BTBD9: variants seen among roughly 807,000 people sequenced by gnomAD.
BTBD9 encodes the protein BTB/POZ domain-containing protein 9.
Under a neutral mutation model 64.3 loss-of-function variants are expected in BTBD9, and 49 were observed. The ratio of observed to expected loss-of-function variants is 0.76; its 90% CI spans 0.61 to 0.97. The LOEUF is 0.97. BTBD9 is among the 50% of genes least tolerant of loss of function. The pLI is 0.00. For missense variants in BTBD9, 598 were observed against 762.1 expected (o/e 0.78, Z 2.53); for synonymous variants, 260 against 274.7 (o/e 0.95, Z 0.53).
chr6:38,387,185 T>C (rs933007382), intron 6 of BTBD9, among the ~76,000 whole-genome samples: 1 of 152,246 alleles, frequency 6.6e-6, no homozygotes, highest in Non-Finnish European at 1.5e-5. Flanking sequence ...TGTTTCTGAA[T>C]ATAAATCTGT....
intron 6 of BTBD9, among the ~76,000 whole-genome samples, chr6:38,445,793 A>T (rs1769250427): frequency 6.6e-6 from 1 of 152,212 alleles, no homozygotes; most frequent in Non-Finnish European, 1.5e-5. Context: ...AGACATTTGT[A>T]TTGATACTGT....
At chr6:38,328,564 C>CGTGCGTGTGTGT (rs1554139324) in intron 7 of BTBD9, among the ~76,000 whole-genome samples, 1 of 130,408 alleles carries the variant, frequency 7.7e-6, no homozygotes, top group African/African-American at 3.0e-5. Flanking sequence ...TTTAAGCCAC[C>CGTGCGTGTGTGT]GTGTGTGTGT....
At position 38,544,096 on chromosome 6, in the gene BTBD9, T is replaced by C. The variant is rs74399797; in HGVS notation, c.1154+33504A>G. Among the ~76,000 whole-genome samples, 554 of 152,178 alleles carry C rather than the reference T, an allele frequency of 3.6e-3. 26 individuals carry two copies. The East Asian group carries it at 0.098, about 27-fold the overall frequency. On this transcript the variant is annotated intron_variant, in intron 6 of 10. Transcript: ENST00000481247. ...ACATCCATAGATTCAACCAATCAAC[T>C]GTAGATCAAAAATATTTTTTAAAAA...
chr6:38,298,041 C>T (rs1582185680), intron 7 of BTBD9, among the ~76,000 whole-genome samples: 1 of 151,524 alleles, frequency 6.6e-6, no homozygotes, highest in South Asian at 2.1e-4. Flanking sequence ...ATTTTTAGTA[C>T]AGACGGGGTT....
At chr6:38,463,948 T>C (rs1034740380) in intron 6 of BTBD9, among the ~76,000 whole-genome samples, 1 of 152,014 alleles carries the variant, frequency 6.6e-6, no homozygotes, top group Non-Finnish European at 1.5e-5. Flanking sequence ...AGAAGGATCA[T>C]CTGAGCCGGA....
At chr6:38,229,425 C>T (rs1042975558) in intron 9 of BTBD9, among the ~76,000 whole-genome samples, 3 of 152,188 alleles carry the variant, frequency 2.0e-5, no homozygotes, top group Non-Finnish European at 2.9e-5. Flanking sequence ...ACCCTACAGC[C>T]CCTTTGATGG....
rs1181531663 is a variant in BTBD9, at chr6:38,171,868, A to ATAAT, written c.*3116_*3117insATTA. 8.9e-6 allele frequency: 1 copy of ATAAT among 111,776 alleles called. No homozygotes were observed. Among genetic ancestry groups the ATAAT allele is most frequent in the African/African-American group, 3.3e-5 (1 of 30,206 alleles). 6.9% of individuals were successfully genotyped at this position (111,776 alleles called of 1,614,324 possible). A position where few individuals can be genotyped will look rare whatever the true frequency, so the allele number is the denominator to read the frequency against. On this transcript the variant is annotated 3_prime_UTR_variant, in exon 11 of 11. Transcript: ENST00000481247. ...TCTCAAAAAAAAAAAAAAAAAAAAAAAAAAAAAAAAAAAATAATAATAATA... is the reference window on the plus strand; with the variant it reads ...TCTCAAAAAAAAAAAAAAAAAAAAAATAATAAAAAAAAAAAAAATAATAATAATA...
intron 1 of BTBD9, among the ~76,000 whole-genome samples, chr6:38,609,641 T>A (rs1329634308): frequency 6.6e-6 from 1 of 152,242 alleles, no homozygotes; most frequent in Non-Finnish European, 1.5e-5. Context: ...ACGGTTCTTC[T>A]GTATTCTGTT....
intron 1 of BTBD9, among the ~76,000 whole-genome samples, chr6:38,602,819 G>T (rs974497991): frequency 3.3e-5 from 5 of 151,508 alleles, no homozygotes; most frequent in Admixed American, 6.6e-5. Flanking sequence ...ACAACTTGAA[G>T]GCAAGGACAT....
chr6:38,254,479 A>C (rs12212852), intron 9 of BTBD9, among the ~76,000 whole-genome samples: 2,499 of 151,780 alleles, frequency 0.016, 24 homozygotes, highest in Non-Finnish European at 0.021. Flanking sequence ...AACAAACAAA[A>C]AAAAACAATT....
At chr6:38,258,613 G>A (rs919499403) in intron 8 of BTBD9, among the ~76,000 whole-genome samples, 4 of 152,094 alleles carry the variant, frequency 2.6e-5, no homozygotes, top group Admixed American at 6.5e-5. Context: ...AATAATGGCC[G>A]GGCGCAGTGG....
chr6:38,499,660 CTT>C (rs532294657), intron 6 of BTBD9, among the ~76,000 whole-genome samples: 2 of 152,326 alleles, frequency 1.3e-5, no homozygotes, highest in South Asian at 2.1e-4. Context: ...TAATGAATCT[CTT>C]GTGACTTCTT....
At chr6:38,448,677 C>T (rs1222529454) in intron 6 of BTBD9, among the ~76,000 whole-genome samples, 1 of 152,146 alleles carries the variant, frequency 6.6e-6, no homozygotes, top group Non-Finnish European at 1.5e-5. Context: ...GCAACCATGC[C>T]TGGCTAATTT....
intron 6 of BTBD9, among the ~76,000 whole-genome samples, chr6:38,419,421 C>T (rs994805421): frequency 1.2e-4 from 19 of 152,136 alleles, no homozygotes; most frequent in African/African-American, 4.6e-4. Context: ...AAAAATAGTG[C>T]TATTAAAAAT....
intron 8 of BTBD9, among the ~76,000 whole-genome samples, chr6:38,260,709 A>T (rs1393259240): frequency 6.6e-6 from 1 of 152,172 alleles, no homozygotes; most frequent in Non-Finnish European, 1.5e-5. Context: ...AAATGAAGGT[A>T]ATCTGAAATT....
chr6:38,403,033 C>T (rs963862920), intron 6 of BTBD9: 1 of 410,770 alleles, frequency 2.4e-6, no homozygotes, highest in African/African-American at 2.3e-5. Context: ...TCATTGCACT[C>T]CAGCCTGGGT....
In BTBD9 at chr6:38,374,308, T is replaced by TATATATATATAAAA. The variant is rs1562095568; in HGVS notation, c.1155-29216_1155-29215insTTTTATATATATAT. Among the ~76,000 whole-genome samples, 263 of 84,066 alleles carry TATATATATATAAAA rather than the reference T, an allele frequency of 3.1e-3. 23 individuals are homozygous for TATATATATATAAAA. In the East Asian group the frequency reaches 0.07, roughly 22 times the overall value. The allele number at this position is 84,066 out of a possible 152,430, so 55.2% of individuals were successfully genotyped here. A position where few individuals can be genotyped will look rare whatever the true frequency, so the allele number is the denominator to read the frequency against. ...GTATATATATATATGTATATATATG[T>TATATATATATAAAA]ATATATATATATATATATGTATATA... is the stretch of plus-strand genomic sequence containing the variant. On this transcript the variant is annotated intron_variant, in intron 6 of 10. Transcript: ENST00000481247.
chr6:38,197,333 T>A lies in BTBD9; in HGVS notation c.1563-4736A>T, dbSNP rs546423378. Among the ~76,000 whole-genome samples, 21 of 152,344 alleles carry A rather than the reference T, an allele frequency of 1.4e-4. No homozygotes were observed. The South Asian group carries it at 4.1e-3, about 30-fold the overall frequency. On this transcript the variant is annotated intron_variant, in intron 9 of 10. Coordinates refer to ENST00000481247, the MANE Select transcript of BTBD9 (RefSeq NM_001099272.2). The stretch of plus-strand genomic sequence containing the variant: ...ATAGAGTCAGCAATAGAAGCCAGAT[T>A]TAATGACTGTGAGCTTAGTTTCTTT...
At chr6:38,387,953 G>C (rs1029585313) in intron 6 of BTBD9, among the ~76,000 whole-genome samples, 2 of 152,152 alleles carry the variant, frequency 1.3e-5, no homozygotes, top group Non-Finnish European at 2.9e-5. Context: ...AATTTGAAAT[G>C]CATGTACTCA....
Sources: gnomAD v4.1 joint callset for allele counts (sites outside exome capture counted in the v4.1 genomes callset) on GRCh38, gnomAD v4.1.1 for gene constraint, MANE v1.5 for transcripts, NCBI Gene and HGNC (gene_info 2026-07-23, HGNC 2026-07-21) for gene names.